Variants in PRKCB observed in about 807,000 individuals in gnomAD.
PRKCB encodes the protein protein kinase C beta type.
Under a neutral mutation model 81.5 loss-of-function variants are expected in PRKCB, and 13 were observed. The ratio of observed to expected loss-of-function variants is 0.16; its 90% CI spans 0.10 to 0.25. PRKCB has a LOEUF of 0.25. Among genes scored for constraint, PRKCB ranks in the 10% least tolerant of loss-of-function variants. PRKCB has a pLI of 1.00. For missense variants in PRKCB, 509 were observed against 875.7 expected (o/e 0.58, Z 5.29); for synonymous variants, 335 against 321.4 (o/e 1.04, Z -0.45).
intron 8 of PRKCB, among the ~76,000 whole-genome samples, chr16:24,121,260 A>T (rs936602371): frequency 2.0e-5 from 3 of 152,212 alleles, no homozygotes; most frequent in Non-Finnish European, 4.4e-5. Context: ...GGAGGACCCA[A>T]TCCCAGCTAG....
chr16:24,000,449 G>A (rs1965017179), intron 3 of PRKCB, among the ~76,000 whole-genome samples: 1 of 152,168 alleles, frequency 6.6e-6, no homozygotes. Context: ...TTTGAGTCTT[G>A]ATTCTGCCCA....
intron 9 of PRKCB, among the ~76,000 whole-genome samples, chr16:24,135,470 G>A (rs1170048007): frequency 6.6e-6 from 1 of 151,626 alleles, no homozygotes; most frequent in East Asian, 1.9e-4. Flanking sequence ...CTGCCACCAC[G>A]CCCAAGTAAT....
chr16:24,040,566 C>T (rs749106040), intron 5 of PRKCB, among the ~76,000 whole-genome samples: 15 of 152,130 alleles, frequency 9.9e-5, no homozygotes, highest in Non-Finnish European at 1.8e-4. Context: ...TCCATGAGGG[C>T]GGGACTGTGT....
At chr16:24,053,593 G>T (rs1249342435) in intron 5 of PRKCB, among the ~76,000 whole-genome samples, 1 of 152,216 alleles carries the variant, frequency 6.6e-6, no homozygotes, top group Non-Finnish European at 1.5e-5. Context: ...GGATGGGAAG[G>T]AGGCAGGAGG....
chr16:24,161,508 T>C (rs1335619994), intron 10 of PRKCB, among the ~76,000 whole-genome samples: 1 of 152,194 alleles, frequency 6.6e-6, no homozygotes, highest in Non-Finnish European at 1.5e-5. Flanking sequence ...TATAGTTGTT[T>C]AAGTTTTTTT....
At chr16:24,117,586 C>G (rs949473210) in intron 8 of PRKCB, among the ~76,000 whole-genome samples, 6 of 152,084 alleles carry the variant, frequency 3.9e-5, no homozygotes, top group Non-Finnish European at 7.3e-5. Context: ...CTGAAGCCCA[C>G]AGAGGTTTAA....
chr16:23,912,150 C>T (rs1283625553), intron 2 of PRKCB, among the ~76,000 whole-genome samples: 2 of 152,046 alleles, frequency 1.3e-5, no homozygotes, highest in African/African-American at 2.4e-5. Context: ...CCTTTATACC[C>T]TCCAGGGAGC....
intron 16 of PRKCB, among the ~76,000 whole-genome samples, chr16:24,192,607 G>C (rs1035902429): frequency 6.6e-6 from 1 of 152,138 alleles, no homozygotes; most frequent in Non-Finnish European, 1.5e-5. Context: ...AGATGCACAC[G>C]CTCCCATCCC....
intron 12 of PRKCB, among the ~76,000 whole-genome samples, chr16:24,176,418 A>T (rs1266320438): frequency 2.0e-5 from 3 of 152,202 alleles, no homozygotes; most frequent in Non-Finnish European, 1.5e-5. Flanking sequence ...GTCTCTAAAA[A>T]AAGAAGAATT....
At chr16:23,898,672 G>A (rs983961476) in intron 2 of PRKCB, among the ~76,000 whole-genome samples, 2 of 152,090 alleles carry the variant, frequency 1.3e-5, no homozygotes, top group Non-Finnish European at 2.9e-5. Context: ...AGCATCCCAG[G>A]CAGAGGGCAC....
intron 2 of PRKCB, among the ~76,000 whole-genome samples, chr16:23,968,214 G>A (rs1168958024): frequency 1.3e-5 from 2 of 152,092 alleles, no homozygotes; most frequent in Non-Finnish European, 2.9e-5. Context: ...GTGTGACTGT[G>A]GACAAGTTCC....
intron 9 of PRKCB, among the ~76,000 whole-genome samples, chr16:24,129,200 A>C (rs1186469457): frequency 6.6e-6 from 1 of 152,202 alleles, no homozygotes; most frequent in African/African-American, 2.4e-5. Context: ...TTTAAAAAAT[A>C]GTATGCAGGA....
intron 1 of PRKCB, 115 bp from the exon 2 acceptor site, chr16:23,837,260 G>C: frequency 7.5e-7 from 1 of 1,328,452 alleles, no homozygotes; most frequent in South Asian, 1.2e-5. Flanking sequence ...GCCTGTGGCT[G>C]GGAGTTTGCA....
chr16:23,903,462 G>A lies in PRKCB; in HGVS notation c.205+66056G>A, dbSNP rs147771698. Among the ~76,000 whole-genome samples the A allele has an allele frequency of 1.5e-3, 228 of 152,086 alleles. 2 individuals are homozygous for A. Among genetic ancestry groups the A allele is most frequent in the African/African-American group, 5.2e-3 (217 of 41,374 alleles). ...CATCAGAGCATGAACAATCAGAAAT[G>A]CCTTAATTTTGTTAGTCACAATAAA... On this transcript the variant is annotated intron_variant, in intron 2 of 16. Transcript: ENST00000643927.
At chr16:24,017,682 A>G (rs947240094) in intron 3 of PRKCB, among the ~76,000 whole-genome samples, 3 of 152,220 alleles carry the variant, frequency 2.0e-5, no homozygotes, top group African/African-American at 7.2e-5. Flanking sequence ...AACAAACTTG[A>G]ATTTTAAAAC....
At chr16:23,890,279 C>G (rs1310455017) in intron 2 of PRKCB, among the ~76,000 whole-genome samples, 7 of 152,316 alleles carry the variant, frequency 4.6e-5, no homozygotes, top group African/African-American at 1.4e-4. Flanking sequence ...CTGCAAACCT[C>G]TTAATACCCT....
At chr16:24,096,601 G>A (rs1485827507) in intron 7 of PRKCB, among the ~76,000 whole-genome samples, 1 of 145,640 alleles carries the variant, frequency 6.9e-6, no homozygotes, top group African/African-American at 2.5e-5. Context: ...TTCATAGTCA[G>A]CTGCTGTGTC....
intron 2 of PRKCB, among the ~76,000 whole-genome samples, chr16:23,903,872 A>G (rs1195332360): frequency 1.3e-5 from 2 of 152,154 alleles, no homozygotes; most frequent in African/African-American, 2.4e-5. Flanking sequence ...TCATGAGGTT[A>G]AGGATCTCTG....
intron 2 of PRKCB, among the ~76,000 whole-genome samples, chr16:23,854,124 G>A (rs1480847092): frequency 6.6e-6 from 1 of 151,454 alleles, no homozygotes; most frequent in African/African-American, 2.4e-5. Flanking sequence ...TCCTTCTCAT[G>A]ACACATGGGG....
Sources: gnomAD v4.1 joint callset for allele counts (sites outside exome capture counted in the v4.1 genomes callset) on GRCh38, gnomAD v4.1.1 for gene constraint, MANE v1.5 for transcripts, NCBI Gene and HGNC (gene_info 2026-07-23, HGNC 2026-07-21) for gene names.